The following FMN1 variants were observed in gnomAD, a reference collection of about 807,000 sequenced individuals.
The protein encoded by FMN1 is formin-1.
A neutral mutation model predicts 132.4 loss-of-function variants in FMN1; 110 were observed. The observed-to-expected ratio is 0.83, with a 90% CI of 0.71 to 0.97. The LOEUF (loss-of-function observed/expected upper bound fraction) is 0.97, where lower values mean the gene tolerates loss of function less well. FMN1 is among the 50% of genes least tolerant of loss of function. The probability of loss-of-function intolerance (pLI) is 0.00; values close to 1 mark genes in which losing one functional copy is unlikely to be tolerated. For missense variants in FMN1, 1,792 were observed against 1,705.3 expected, an observed-to-expected ratio of 1.05 and a Z score of -0.90; for synonymous variants, 722 against 651.7, an observed-to-expected ratio of 1.11 and a Z score of -1.64.
rs137906737 is a variant in FMN1, at chr15:32,848,437, T to C, written c.3928+8578A>G. On this transcript the variant is annotated intron_variant, in intron 17 of 20. Transcript: ENST00000616417. ...TTTCTCATTGACTGGGAGGCTTCCA[T>C]TAGATAGAGCCATCTAGAGCGATGT... Among the ~76,000 whole-genome samples the C allele has an allele frequency of 3.1e-3, 467 of 152,320 alleles. 4 individuals are homozygous for C. Among genetic ancestry groups the C allele is most frequent in the Admixed American group, 9.9e-3 (152 of 15,302 alleles).
chr15:33,163,736 G>C (rs1458685530), intron 3 of FMN1, among the ~76,000 whole-genome samples: 2 of 152,074 alleles, frequency 1.3e-5, no homozygotes, highest in African/African-American at 4.8e-5. Context: ...TCCTGCCTCA[G>C]CCTCCCAAGT....
chr15:33,172,124 C>T (rs949146720), intron 3 of FMN1, among the ~76,000 whole-genome samples: 2 of 151,400 alleles, frequency 1.3e-5, no homozygotes, highest in Admixed American at 6.6e-5. Context: ...AGGACAATGG[C>T]GTGAACCTGG....
At chr15:32,960,389 A>G (rs1401373517) in intron 9 of FMN1, among the ~76,000 whole-genome samples, 1 of 152,174 alleles carries the variant, frequency 6.6e-6, no homozygotes, top group African/African-American at 2.4e-5. Context: ...GTACAATTTG[A>G]CATGATATTT....
chr15:32,879,380 G>A (rs1015472316), intron 16 of FMN1, among the ~76,000 whole-genome samples: 7 of 152,188 alleles, frequency 4.6e-5, no homozygotes, highest in African/African-American at 1.7e-4. Flanking sequence ...AATGGGCTGT[G>A]AAGGAGGAAA....
chr15:33,122,156 G>A (rs533256612), intron 4 of FMN1, among the ~76,000 whole-genome samples: 1 of 152,302 alleles, frequency 6.6e-6, no homozygotes, highest in African/African-American at 2.4e-5. Context: ...CTTGTCCACG[G>A]AATTAAGTGC....
chr15:32,813,540 A>T (rs1476406575), intron 17 of FMN1, among the ~76,000 whole-genome samples: 1 of 152,166 alleles, frequency 6.6e-6, no homozygotes, highest in Non-Finnish European at 1.5e-5. Flanking sequence ...GATTTTGTTC[A>T]TTCTTCTTAA....
intron 7 of FMN1, among the ~76,000 whole-genome samples, chr15:32,983,311 A>C (rs1324520606): frequency 1.3e-5 from 2 of 152,202 alleles, no homozygotes; most frequent in African/African-American, 4.8e-5. Flanking sequence ...GGTAAAATCA[A>C]AACTGTACTG....
intron 4 of FMN1, among the ~76,000 whole-genome samples, chr15:33,143,997 A>C (rs1964109276): frequency 6.6e-6 from 1 of 152,242 alleles, no homozygotes; most frequent in African/African-American, 2.4e-5. Flanking sequence ...TATGGAAATC[A>C]GTAGGGACAA....
intron 3 of FMN1, among the ~76,000 whole-genome samples, chr15:33,161,778 T>TAATTA (rs1964902346): frequency 6.6e-6 from 1 of 151,728 alleles, no homozygotes; most frequent in South Asian, 2.1e-4. Context: ...ATTAGCCAGG[T>TAATTA]GTGGTGGCGA....
chr15:32,804,305 C>T lies in FMN1; in HGVS notation c.3956G>A (p.Ser1319Asn). ...CCTTTTCTGTGCATTCTCCAAGTGACTTTCTTCCATCTTATGCTCTTTTTT... is the reference window on the plus strand; with the variant it reads ...CCTTTTCTGTGCATTCTCCAAGTGATTTTCTTCCATCTTATGCTCTTTTTT... ...KAKKEHKMEE[S>N]HLENAQKSFE... Residue 1319 changes from serine to asparagine, a missense_variant, in exon 18 of 21, where the codon AGT (serine) becomes AAT (asparagine). Physicochemically the swap from Ser to Asn is conservative, Grantham distance 46. This residue lies in a region of FMN1 where 1,150 missense variants were observed against 1,043.1 expected (regional missense o/e 1.10). Transcript: ENST00000616417. 1 of 1,568,616 alleles carries T rather than the reference C, an allele frequency of 6.4e-7. No individual in the cohort carries two copies. Among genetic ancestry groups the T allele is most frequent in the Non-Finnish European group, 8.7e-7 (1 of 1,155,526 alleles).
chr15:32,811,215 A>T (rs2057865090), intron 17 of FMN1: 23 of 389,724 alleles, frequency 5.9e-5, no homozygotes, highest in South Asian at 4.4e-4. Context: ...CCCATGGAGG[A>T]CGATATCCTT....
chr15:33,186,051 T>C (rs558715343), intron 2 of FMN1, among the ~76,000 whole-genome samples: 2 of 152,240 alleles, frequency 1.3e-5, no homozygotes, highest in South Asian at 2.1e-4. Context: ...TTCCCAAGGC[T>C]GGGCCCTCTC....
chr15:32,936,511 T>C (rs538144071), intron 9 of FMN1, among the ~76,000 whole-genome samples: 10 of 152,328 alleles, frequency 6.6e-5, no homozygotes, highest in Non-Finnish European at 1.3e-4. Flanking sequence ...TGTCTGTCTA[T>C]GGTACTGCAG....
intron 7 of FMN1, among the ~76,000 whole-genome samples, chr15:32,989,159 A>G (rs1187840216): frequency 6.6e-6 from 1 of 152,228 alleles, no homozygotes; most frequent in Non-Finnish European, 1.5e-5. Context: ...AAGGAAGACC[A>G]ACCAGTGATT....
intron 7 of FMN1, among the ~76,000 whole-genome samples, chr15:32,992,376 G>C (rs1043227603): frequency 6.6e-6 from 1 of 152,168 alleles, no homozygotes; most frequent in Non-Finnish European, 1.5e-5. Flanking sequence ...CATTACTTAA[G>C]ATGGTTAGAG....
At chr15:33,119,313 T>C (rs900595710) in intron 4 of FMN1, among the ~76,000 whole-genome samples, 2 of 152,146 alleles carry the variant, frequency 1.3e-5, no homozygotes, top group African/African-American at 4.8e-5. Context: ...AAATGGACTG[T>C]CCATATCTTG....
chr15:33,118,680 T>G (rs1321341917), intron 4 of FMN1, among the ~76,000 whole-genome samples: 1 of 152,154 alleles, frequency 6.6e-6, no homozygotes, highest in Admixed American at 6.6e-5. Context: ...ACAAAAAGCA[T>G]GATTTAAACA....
intron 7 of FMN1, among the ~76,000 whole-genome samples, chr15:32,985,423 G>A (rs995565784): frequency 6.6e-6 from 1 of 151,998 alleles, no homozygotes; most frequent in African/African-American, 2.4e-5. Flanking sequence ...GTTCACTGAT[G>A]TATCACTGTA....
chr15:32,772,711 C>T lies in FMN1; in HGVS notation c.*1599G>A, dbSNP rs200111142. ...GTTAGCACCTGCATGAATATGGCTT[C>T]TGTGACTTGATTTGATCCTGACTGC... On this transcript the variant is annotated 3_prime_UTR_variant, in exon 21 of 21. Transcript: ENST00000616417. 6.6e-6 allele frequency: 1 copy of T among 152,240 alleles called. No individual in the cohort carries two copies. The highest frequency in any genetic ancestry group is 1.5e-5 in the Non-Finnish European group (1 of 68,056). The allele number at this position is 152,240 out of a possible 1,614,324, so 9.4% of individuals were successfully genotyped here.
Sources: gnomAD v4.1 joint callset for allele counts (sites outside exome capture counted in the v4.1 genomes callset) on GRCh38, gnomAD v4.1.1 for gene constraint, gnomAD v4.1.1 regional missense constraint, MANE v1.5 for transcripts, NCBI Gene and HGNC (gene_info 2026-07-23, HGNC 2026-07-21) for gene names.